BBS12: variants seen among roughly 807,000 people sequenced by gnomAD.
BBS12 encodes the protein Bardet-Biedl syndrome 12, also known as chaperonin-containing T-complex member BBS12.
In BBS12, 5 loss-of-function variants were observed where a neutral mutation model predicts 5.6. The ratio of observed to expected loss-of-function variants is 0.89; its 90% CI spans 0.46 to 1.86. The LOEUF (loss-of-function observed/expected upper bound fraction) is 1.86, where lower values mean the gene tolerates loss of function less well. BBS12 is among the 40% of genes most tolerant of loss of function. BBS12 has a pLI of 0.01. For missense variants in BBS12, 748 were observed against 830.4 expected, an observed-to-expected ratio of 0.90 and a Z score of 1.22; for synonymous variants, 308 against 306.8, an observed-to-expected ratio of 1.00 and a Z score of -0.04.
chr4:122,718,488 C>A, the BBS12 span, among the ~76,000 whole-genome samples: 1 of 152,098 alleles, frequency 6.6e-6, no homozygotes, highest in Non-Finnish European at 1.5e-5. Context: ...CCAATTCCTG[C>A]AGGGTTGGAA....
In BBS12 at chr4:122,742,359, G is replaced by A; in HGVS notation, c.467G>A (p.Ser156Asn). The A allele has an allele frequency of 6.2e-7, 1 of 1,614,168 alleles. No individual in the cohort carries two copies. The highest frequency in any genetic ancestry group is 8.5e-7 in the Non-Finnish European group (1 of 1,180,004). ...TFSQLETFSV[S>N]LCPFLQVPSD... ...TCTCAACTTGAAACATTTAGTGTAA[G>A]TTTGTGTCCTTTTCTACAGGTCCCT... The change falls in exon 2 of 2, where the codon AGT (serine) becomes AAT (asparagine). Residue 156 changes from serine (S) to asparagine (N), a missense_variant. By Grantham distance (46) the Ser-to-Asn change is conservative (BLOSUM62 1). Transcript: ENST00000314218.
rs963441654 is a variant in BBS12, at chr4:122,742,378, G to C, written c.486G>C (p.Gln162His). The C allele has an allele frequency of 6.2e-7, 1 of 1,614,022 alleles. No homozygotes were observed. The highest frequency in any genetic ancestry group is 1.3e-5 in the African/African-American group (1 of 74,920). ...TFSVSLCPFLQVPSDTDLIEE... is the reference protein window; with the variant it reads ...TFSVSLCPFLHVPSDTDLIEE... ...GTGTAAGTTTGTGTCCTTTTCTACA[G>C]GTCCCTTCAGATACTGATTTGATAG... The change falls in exon 2 of 2, where the codon CAG becomes CAC. Residue 162 changes from glutamine to histidine, a missense_variant. Coordinates refer to ENST00000314218, the MANE Select transcript of BBS12 (RefSeq NM_152618.3).
the BBS12 span, among the ~76,000 whole-genome samples, chr4:122,719,614 G>C: frequency 1.3e-5 from 2 of 151,972 alleles, no homozygotes; most frequent in Non-Finnish European, 2.9e-5. Context: ...GAAGGTCTGC[G>C]GCGTCACTCC....
chr4:122,709,875 C>T, the BBS12 span, among the ~76,000 whole-genome samples: 1 of 152,036 alleles, frequency 6.6e-6, no homozygotes, highest in Non-Finnish European at 1.5e-5. Context: ...AGGCTGGTCT[C>T]GAACTCCTAA....
the BBS12 span, among the ~76,000 whole-genome samples, chr4:122,702,892 A>G: frequency 3.9e-5 from 6 of 152,238 alleles, no homozygotes. Flanking sequence ...CAAACTTTCA[A>G]TGAGTTTGAG....
chr4:122,739,372 A>G (rs1199769755), intron 1 of BBS12, among the ~76,000 whole-genome samples: 2 of 152,192 alleles, frequency 1.3e-5, no homozygotes, highest in Non-Finnish European at 2.9e-5. Flanking sequence ...AAAGTTAAAG[A>G]TATTTGCTCC....
rs2150736311 is a variant in BBS12, at chr4:122,742,456, C to T, written c.564C>T (p.Asn188=). 1 of 1,614,166 alleles carries T rather than the reference C, an allele frequency of 6.2e-7. No homozygotes were observed. Among genetic ancestry groups the T allele is most frequent in the South Asian group, 1.1e-5 (1 of 91,068 alleles). The part of the protein sequence containing the change: ...DVASQTLTIS[N]LSGRPLKSYE... The stretch of plus-strand genomic sequence containing the variant: ...CCTCTCAAACACTGACCATTTCCAA[C>T]CTTTCTGGGAGACCTCTTAAATCAT... Residue 188 remains asparagine, a synonymous_variant, in exon 2 of 2, where the codon AAC becomes AAT. Coordinates refer to ENST00000314218, the MANE Select transcript of BBS12 (RefSeq NM_152618.3).
chr4:122,712,109 G>A, the BBS12 span, among the ~76,000 whole-genome samples: 2 of 152,206 alleles, frequency 1.3e-5, no homozygotes, highest in Admixed American at 6.5e-5. Context: ...CCATGAACTA[G>A]GTTACAACCT....
chr4:122,742,163 C>T lies in BBS12; in HGVS notation c.271C>T (p.Leu91Phe). The T allele has an allele frequency of 6.2e-7, 1 of 1,613,932 alleles. No homozygotes were observed. ...YRTGISTLLF[L>F]VGAWSSAVEE... is the part of the protein sequence containing the mutation. ...AACTGGAATCAGTACTCTTTTGTTT[C>T]TTGTTGGTGCTTGGAGCAGTGCAGT... Residue 91 changes from leucine (L) to phenylalanine (F), a missense_variant, in exon 2 of 2, where the codon CTT becomes TTT. By Grantham distance (22) the Leu-to-Phe change is conservative. Transcript: ENST00000314218.
chr4:122,724,372 A>C, the BBS12 span, among the ~76,000 whole-genome samples: 12 of 152,202 alleles, frequency 7.9e-5, no homozygotes, highest in Non-Finnish European at 1.8e-4. Context: ...TATATTGATG[A>C]ATTTGATCTT....
chr4:122,738,557 A>G (rs1800820321), intron 1 of BBS12, among the ~76,000 whole-genome samples: 1 of 152,194 alleles, frequency 6.6e-6, no homozygotes, highest in Admixed American at 6.5e-5. Flanking sequence ...AAAATGCATA[A>G]TCCAAAAAGT....
the BBS12 span, among the ~76,000 whole-genome samples, chr4:122,716,053 A>G: frequency 6.6e-6 from 1 of 152,206 alleles, no homozygotes; most frequent in Non-Finnish European, 1.5e-5. Flanking sequence ...GCTCTACATT[A>G]GAAACCCCAA....
chr4:122,729,373 G>A (rs542403325), upstream of BBS12: 1 of 152,350 alleles, frequency 6.6e-6, no homozygotes, highest in East Asian at 1.9e-4. Flanking sequence ...CTGTATGTAT[G>A]AGATTCCGTT....
chr4:122,722,567 T>C, the BBS12 span, among the ~76,000 whole-genome samples: 2 of 152,178 alleles, frequency 1.3e-5, no homozygotes, highest in Non-Finnish European at 1.5e-5. Flanking sequence ...TTCTTTAGTT[T>C]CTCTCAATAC....
the BBS12 span, among the ~76,000 whole-genome samples, chr4:122,700,711 T>C: frequency 6.6e-6 from 1 of 152,176 alleles, no homozygotes; most frequent in African/African-American, 2.4e-5. Flanking sequence ...GTGGAGCCCA[T>C]GTTAGGTAAT....
chr4:122,737,731 G>A (rs1049809584), intron 1 of BBS12, among the ~76,000 whole-genome samples: 2 of 152,112 alleles, frequency 1.3e-5, no homozygotes, highest in African/African-American at 4.8e-5. Context: ...TAAAACAAAC[G>A]GAAGAACAAA....
chr4:122,728,866 T>C (rs956614674), upstream of BBS12: 3 of 152,246 alleles, frequency 2.0e-5, no homozygotes, highest in African/African-American at 7.2e-5. Context: ...ACAACTTGGT[T>C]ATCAGAAAGT....
chr4:122,727,308 G>A, the BBS12 span, among the ~76,000 whole-genome samples: 3 of 151,940 alleles, frequency 2.0e-5, no homozygotes, highest in African/African-American at 4.8e-5. Flanking sequence ...GCAGTGGTGC[G>A]ATCTCTGCTC....
chr4:122,741,444 CA>C (rs1800871010), intron 1 of BBS12, among the ~76,000 whole-genome samples: 1 of 152,228 alleles, frequency 6.6e-6, no homozygotes, highest in Non-Finnish European at 1.5e-5. Context: ...CTCGGCCTCC[CA>C]AAGTGCTGGG....
Sources: gnomAD v4.1 joint callset for allele counts (sites outside exome capture counted in the v4.1 genomes callset) on GRCh38, gnomAD v4.1.1 for gene constraint, MANE v1.5 for transcripts, NCBI Gene and HGNC (gene_info 2026-07-23, HGNC 2026-07-21) for gene names.